GRIK1: variants seen among roughly 807,000 people sequenced by gnomAD.
The protein encoded by GRIK1 is glutamate ionotropic receptor kainate type subunit 1, also known as glutamate receptor ionotropic, kainate 1.
GRIK1 carries 69 observed loss-of-function variants against 105.7 expected under a neutral mutation model. That is an observed-to-expected ratio of 0.65 (90% confidence interval 0.54 to 0.80). GRIK1 has a LOEUF of 0.80. Ranked by LOEUF, GRIK1 falls within the 30% of genes least tolerant of loss-of-function variation. The pLI is 0.00. For synonymous variants in GRIK1, 438 were observed against 431.3 expected (o/e 1.02, Z -0.19); for missense variants, 1,109 against 1,167.3 (o/e 0.95, Z 0.73).
At chr21:29,545,731 T>C (rs979783666) in intron 16 of GRIK1, among the ~76,000 whole-genome samples, 4 of 152,078 alleles carry the variant, frequency 2.6e-5, no homozygotes, top group African/African-American at 9.7e-5. Context: ...ATGCACTACA[T>C]GCATAGTTTT....
In GRIK1 at chr21:29,767,864, A is replaced by ATGTGTG. The variant is rs60618188; in HGVS notation, c.119-73807_119-73802dup. The stretch of plus-strand genomic sequence containing the variant: ...TGTGTGTTCTCCTCAGCTGAAATTC[A>ATGTGTG]TGTGTGTGTGTGTGTGTGTGTGTGT... On this transcript the variant is annotated intron_variant, in intron 1 of 17. Transcript: ENST00000327783. Among the ~76,000 whole-genome samples, 1,197 of 147,310 alleles carry ATGTGTG rather than the reference A, an allele frequency of 8.1e-3. 5 individuals carry two copies. Among genetic ancestry groups the ATGTGTG allele is most frequent in the Middle Eastern group, 0.017 (5 of 294 alleles).
chr21:29,638,797 C>T (rs1398245857), intron 7 of GRIK1, among the ~76,000 whole-genome samples: 3 of 152,160 alleles, frequency 2.0e-5, no homozygotes, highest in African/African-American at 7.2e-5. Context: ...CATTTTTTAA[C>T]AGAACCTTTC....
chr21:29,902,113 C>T (rs1439401571), intron 1 of GRIK1, among the ~76,000 whole-genome samples: 5 of 152,146 alleles, frequency 3.3e-5, no homozygotes, highest in Admixed American at 1.3e-4. Context: ...ATGCTAAAAA[C>T]TCTCAATAAA....
intron 1 of GRIK1, among the ~76,000 whole-genome samples, chr21:29,928,838 A>G (rs1323460256): frequency 1.3e-5 from 2 of 152,194 alleles, no homozygotes; most frequent in African/African-American, 4.8e-5. Flanking sequence ...ATGACAGCAA[A>G]TGCCTCTCCT....
At chr21:29,756,349 C>G (rs921090743) in intron 1 of GRIK1, among the ~76,000 whole-genome samples, 7 of 152,048 alleles carry the variant, frequency 4.6e-5, no homozygotes, top group Non-Finnish European at 1.0e-4. Flanking sequence ...CCACTGCACT[C>G]CAGCCTGGGC....
Position 29,581,066 on chromosome 21 carries a change from T to C in GRIK1, c.1912+359A>G, listed in dbSNP as rs1468916199. Among the ~76,000 whole-genome samples, 4 of 152,154 alleles carry C rather than the reference T, an allele frequency of 2.6e-5. No individual in the cohort carries two copies. In the East Asian group the frequency reaches 7.7e-4, roughly 29 times the overall value. On this transcript the variant is annotated intron_variant, in intron 13 of 17. Transcript: ENST00000327783. ...CAGTGAATTTAATCTCCAAAGGATTTAGATCCCGCTCCTTTAAACTGCTGA... is the reference window on the plus strand; with the variant it reads ...CAGTGAATTTAATCTCCAAAGGATTCAGATCCCGCTCCTTTAAACTGCTGA...
intron 1 of GRIK1, among the ~76,000 whole-genome samples, chr21:29,832,837 A>C (rs1356429346): frequency 2.6e-5 from 4 of 152,178 alleles, no homozygotes; most frequent in Non-Finnish European, 5.9e-5. Flanking sequence ...GCCTGGATTC[A>C]TTCCCAGAAA....
intron 1 of GRIK1, among the ~76,000 whole-genome samples, chr21:29,885,387 G>A (rs2069578368): frequency 1.3e-5 from 2 of 151,998 alleles, no homozygotes; most frequent in South Asian, 4.1e-4. Context: ...GTGGGACTCA[G>A]ATGGATGGAA....
At chr21:29,560,364 T>TTTCTTCCTTC (rs2090394173) in intron 15 of GRIK1, among the ~76,000 whole-genome samples, 2 of 35,886 alleles carry the variant, frequency 5.6e-5, no homozygotes, top group Admixed American at 3.1e-4. Context: ...TCTTTTTCTT[T>TTTCTTCCTTC]CTTCCTTCCT....
intron 1 of GRIK1, among the ~76,000 whole-genome samples, chr21:29,837,540 G>C (rs1224545325): frequency 6.6e-6 from 1 of 152,042 alleles, no homozygotes; most frequent in Non-Finnish European, 1.5e-5. Context: ...AACCACCAAT[G>C]GGGGGGAATG....
chr21:29,776,524 T>C (rs1321230337), intron 1 of GRIK1, among the ~76,000 whole-genome samples: 1 of 152,246 alleles, frequency 6.6e-6, no homozygotes, highest in Non-Finnish European at 1.5e-5. Context: ...TACACATCTC[T>C]GTAGCACCCC....
intron 1 of GRIK1, among the ~76,000 whole-genome samples, chr21:29,861,309 C>CTTTTTTTTTTT (rs71191129): frequency 6.6e-6 from 1 of 150,600 alleles, no homozygotes; most frequent in Non-Finnish European, 1.5e-5. Context: ...TGTACTTACT[C>CTTTTTTTTTTT]TTTTTTTTTC....
chr21:29,627,430 G>T (rs541605580), intron 7 of GRIK1, among the ~76,000 whole-genome samples: 3 of 152,304 alleles, frequency 2.0e-5, no homozygotes, highest in East Asian at 3.9e-4. Context: ...TCTGCTTTCT[G>T]CTGGCAATGA....
rs993216169 is a variant in GRIK1, at chr21:29,589,628, T to C, written c.1366-586A>G. 2.6e-5 allele frequency among the ~76,000 whole-genome samples: 4 copies of C among 152,134 alleles called. No homozygotes were observed. The East Asian group carries it at 7.7e-4, about 29-fold the overall frequency. The stretch of plus-strand genomic sequence containing the variant: ...TTTTAGTAGAGACGGGGTTTCACCA[T>C]GTTGGTCCAGGATGGTCTCGATCTC... On this transcript the variant is annotated intron_variant, in intron 10 of 17. Coordinates refer to ENST00000327783, the MANE Select transcript of GRIK1 (RefSeq NM_001330994.2).
intron 3 of GRIK1, among the ~76,000 whole-genome samples, chr21:29,682,292 T>G (rs2063396188): frequency 6.6e-6 from 1 of 152,208 alleles, no homozygotes; most frequent in Non-Finnish European, 1.5e-5. Flanking sequence ...TTTTGCAGCC[T>G]AAACATTTTA....
chr21:29,642,924 C>T lies in GRIK1; in HGVS notation c.1000G>A (p.Ala334Thr). The part of the protein sequence containing the change: ...MYDAVYMVAI[A>T]SHRASQLTVS... The stretch of plus-strand genomic sequence containing the variant: ...GTCAGCTGGGATGCCCGGTGCGAGG[C>T]AATGGCCACCATGTACACAGCATCG... The change falls in exon 7 of 18, where the codon GCC (alanine) becomes ACC (threonine). Residue 334 changes from alanine (A) to threonine (T), a missense_variant. By Grantham distance (58) the Ala-to-Thr change is moderately conservative (BLOSUM62 0). This residue lies in a region of GRIK1 where 612 missense variants were observed against 586.0 expected (regional missense o/e 1.04). Coordinates refer to ENST00000327783, the MANE Select transcript of GRIK1 (RefSeq NM_001330994.2). The T allele has an allele frequency of 6.2e-7, 1 of 1,613,990 alleles. No individual in the cohort carries two copies. Among genetic ancestry groups the T allele is most frequent in the Non-Finnish European group, 8.5e-7 (1 of 1,179,848 alleles).
At chr21:29,670,214 C>T (rs1259394921) in intron 4 of GRIK1, among the ~76,000 whole-genome samples, 1 of 152,136 alleles carries the variant, frequency 6.6e-6, no homozygotes, top group Admixed American at 6.6e-5. Flanking sequence ...TAGTGTCTTC[C>T]TCCAAGCCTC....
At chr21:29,565,134 G>A (rs1025134899) in intron 14 of GRIK1, among the ~76,000 whole-genome samples, 4 of 152,164 alleles carry the variant, frequency 2.6e-5, no homozygotes, top group Non-Finnish European at 5.9e-5. Flanking sequence ...GTAAGTTGAA[G>A]GTATAGGAAG....
At position 29,634,256 on chromosome 21, in the gene GRIK1, T is replaced by C. The variant is rs1309653273; in HGVS notation, c.1098+8570A>G. 2.6e-5 allele frequency among the ~76,000 whole-genome samples: 4 copies of C among 152,362 alleles called. No individual in the cohort carries two copies. The South Asian group carries it at 6.2e-4, about 24-fold the overall frequency. On this transcript the variant is annotated intron_variant, in intron 7 of 17. Coordinates refer to ENST00000327783, the MANE Select transcript of GRIK1 (RefSeq NM_001330994.2). ...AAAAGCTTGAATTCAAATATTAGGT[T>C]TATATATTCAAATGTATAATCTCCA...
Sources: allele counts gnomAD v4.1 joint callset (sites outside exome capture counted in the v4.1 genomes callset), GRCh38; gene constraint gnomAD v4.1.1; regional missense constraint gnomAD v4.1.1; transcripts MANE v1.5; gene names NCBI Gene and HGNC (gene_info 2026-07-23, HGNC 2026-07-21).